The following CENPC variants were observed in gnomAD, a reference collection of about 807,000 sequenced individuals.
CENPC encodes centromere protein C, also known as CENP-C 1.
CENPC carries 63 observed loss-of-function variants against 112.1 expected under a neutral mutation model. The observed-to-expected ratio is 0.56, with a 90% CI of 0.46 to 0.69. The LOEUF is 0.69. Among genes scored for constraint, CENPC ranks in the 30% least tolerant of loss-of-function variants. The probability of loss-of-function intolerance (pLI) is 0.00; values close to 1 mark genes in which losing one functional copy is unlikely to be tolerated. For synonymous variants in CENPC, 333 were observed against 367.6 expected, an observed-to-expected ratio of 0.91 and a Z score of 1.08; for missense variants, 1,000 against 1,103.8, an observed-to-expected ratio of 0.91 and a Z score of 1.33.
intron 5 of CENPC, among the ~76,000 whole-genome samples, chr4:67,527,844 T>C (rs1017509822): frequency 3.3e-5 from 5 of 151,818 alleles, no homozygotes; most frequent in African/African-American, 1.2e-4. Context: ...TAGCTAATAA[T>C]AGTAAGAAAA....
At chr4:67,485,244 A>T (rs1023359317) in intron 17 of CENPC, among the ~76,000 whole-genome samples, 1 of 152,200 alleles carries the variant, frequency 6.6e-6, no homozygotes, top group African/African-American at 2.4e-5. Flanking sequence ...TCATATGTTA[A>T]ACAAGCATCA....
At position 67,470,794 on chromosome 4, in the gene CENPC, C is replaced by A. The variant is rs949639576; in HGVS notation, c.*1811G>T. ...GATTTACAGCAGAGGTATAAACCTA[C>A]AACTTTGTAAGTCAAAAGTAAAAAA... On this transcript the variant is annotated 3_prime_UTR_variant, in exon 19 of 19. Coordinates refer to ENST00000273853, the MANE Select transcript of CENPC (RefSeq NM_001812.4). 1.3e-5 allele frequency: 2 copies of A among 152,052 alleles called. No homozygotes were observed. The highest frequency in any genetic ancestry group is 2.9e-5 in the Non-Finnish European group (2 of 68,022). 9.4% of individuals were successfully genotyped at this position (152,052 alleles called of 1,614,324 possible). A position where few individuals can be genotyped will look rare whatever the true frequency, so the allele number is the denominator to read the frequency against.
rs1029097043 is a variant in CENPC, at chr4:67,469,035, T to C, written c.*3570A>G. On this transcript the variant is annotated 3_prime_UTR_variant, in exon 19 of 19. Transcript: ENST00000273853. ...CAGTAGTTACACAAATTCACACATATGATGAAATAGAACTATACACATGCA... is the reference window on the plus strand; with the variant it reads ...CAGTAGTTACACAAATTCACACATACGATGAAATAGAACTATACACATGCA... 1.3e-5 allele frequency: 2 copies of C among 150,992 alleles called. No individual in the cohort carries two copies. The highest frequency in any genetic ancestry group is 6.6e-5 in the Admixed American group (1 of 15,196). 9.4% of individuals were successfully genotyped at this position (150,992 alleles called of 1,614,324 possible).
At chr4:67,519,994 A>T (rs183132862) in intron 5 of CENPC, among the ~76,000 whole-genome samples, 1 of 152,318 alleles carries the variant, frequency 6.6e-6, no homozygotes, top group Admixed American at 6.5e-5. Context: ...AAGGTAGACT[A>T]GCTAGGAAGC....
intron 5 of CENPC, among the ~76,000 whole-genome samples, chr4:67,522,606 AT>A (rs1332381625): frequency 6.6e-6 from 1 of 152,222 alleles, no homozygotes; most frequent in African/African-American, 2.4e-5. Context: ...TGACCTAATC[AT>A]GGAAATCACA....
intron 17 of CENPC, among the ~76,000 whole-genome samples, chr4:67,484,430 T>G (rs1463933250): frequency 6.6e-6 from 1 of 152,152 alleles, no homozygotes. Context: ...CAGTGGCCTG[T>G]TAGGAATGGG....
At chr4:67,509,750 T>C (rs1250906370) in intron 9 of CENPC, among the ~76,000 whole-genome samples, 3 of 152,130 alleles carry the variant, frequency 2.0e-5, no homozygotes. Flanking sequence ...CATATCTGGA[T>C]TATTAAAACA....
rs913901178 is a variant in CENPC, at chr4:67,485,969, C to T, written c.2670+3998G>A. 2.6e-5 allele frequency among the ~76,000 whole-genome samples: 4 copies of T among 151,872 alleles called. No homozygotes were observed. The East Asian group carries it at 5.8e-4, about 22-fold the overall frequency. Reference sequence around the variant, plus strand: ...CTAATCACTGTGATATACTGCCTCCCTAAATGGGGAAAAAAGCCCCCCGAA... The same window carrying T: ...CTAATCACTGTGATATACTGCCTCCTTAAATGGGGAAAAAAGCCCCCCGAA... On this transcript the variant is annotated intron_variant, in intron 17 of 18. Coordinates refer to ENST00000273853, the MANE Select transcript of CENPC (RefSeq NM_001812.4).
intron 5 of CENPC, 133 bp downstream of exon 5, chr4:67,530,682 T>C: frequency 2.4e-6 from 1 of 419,800 alleles, no homozygotes; most frequent in Non-Finnish European, 4.2e-6. Flanking sequence ...AAAAACAAAT[T>C]CATCCATTTC....
intron 6 of CENPC, 29 bp downstream of exon 6, chr4:67,519,188 G>A: frequency 1.3e-6 from 2 of 1,487,262 alleles, no homozygotes; most frequent in Non-Finnish European, 1.8e-6. Context: ...TTTTTAAAGT[G>A]CGTTAACATT....
In CENPC at chr4:67,471,369, T is replaced by C. The variant is rs1247285586; in HGVS notation, c.*1236A>G. 2 of 152,024 alleles carry C rather than the reference T, an allele frequency of 1.3e-5. No individual in the cohort carries two copies. The highest frequency in any genetic ancestry group is 2.4e-5 in the African/African-American group (1 of 41,390). The allele number at this position is 152,024 out of a possible 1,614,324, so 9.4% of individuals were successfully genotyped here. A position where few individuals can be genotyped will look rare whatever the true frequency, so the allele number is the denominator to read the frequency against. On this transcript the variant is annotated 3_prime_UTR_variant, in exon 19 of 19. Transcript: ENST00000273853. ...AGTTGCTACAATATGCTACCTAAAA[T>C]GTCCAGCTGTCAACCAAAAATTATT...
intron 12 of CENPC, among the ~76,000 whole-genome samples, chr4:67,495,665 A>C (rs1033148512): frequency 4.6e-5 from 7 of 152,210 alleles, no homozygotes; most frequent in East Asian, 1.9e-4. Flanking sequence ...AACAAACAAA[A>C]AAAACAACAG....
intron 4 of CENPC, among the ~76,000 whole-genome samples, chr4:67,536,477 T>C (rs1465184987): frequency 6.6e-6 from 1 of 152,190 alleles, no homozygotes; most frequent in East Asian, 1.9e-4. Flanking sequence ...TACGGAGTCA[T>C]ATCTTATTTT....
intron 17 of CENPC, among the ~76,000 whole-genome samples, chr4:67,484,571 C>A (rs75925769): frequency 0.062 from 9,378 of 152,252 alleles, 455 homozygotes; most frequent in Admixed American, 0.18. Flanking sequence ...TGTGAGAAAT[C>A]TAGGTTGTGT....
chr4:67,484,570 T>G (rs1243367549), intron 17 of CENPC, among the ~76,000 whole-genome samples: 2 of 152,190 alleles, frequency 1.3e-5, no homozygotes, highest in African/African-American at 4.8e-5. Context: ...ATGTGAGAAA[T>G]CTAGGTTGTG....
At position 67,518,183 on chromosome 4, in the gene CENPC, T is replaced by G; in HGVS notation, c.803A>C (p.Glu268Ala). The G allele has an allele frequency of 6.5e-7, 1 of 1,550,104 alleles. No individual in the cohort carries two copies. Among genetic ancestry groups the G allele is most frequent in the East Asian group, 2.3e-5 (1 of 42,826 alleles). The change falls in exon 7 of 19, where the codon GAA becomes GCA. Residue 268 changes from glutamate (E) to alanine (A), a missense_variant. Transcript: ENST00000273853. ...GGATTCACTTTTTCGTTTTACTGTT[T>G]CTAAAAACAATGTTGAAAAACTTTT... ...AKKSFSTLFLETVKRKSESSP... is the reference protein window; with the variant it reads ...AKKSFSTLFLATVKRKSESSP...
intron 16 of CENPC, among the ~76,000 whole-genome samples, chr4:67,491,938 T>C (rs1019077581): frequency 6.6e-6 from 1 of 152,122 alleles, no homozygotes; most frequent in African/African-American, 2.4e-5. Flanking sequence ...TTCCTGATTG[T>C]AGCACTACTT....
intron 4 of CENPC, among the ~76,000 whole-genome samples, chr4:67,534,683 G>A (rs1242969737): frequency 1.3e-5 from 2 of 152,176 alleles, no homozygotes; most frequent in Admixed American, 1.3e-4. Flanking sequence ...TAGGCCAAGA[G>A]AAAAGAAATC....
At chr4:67,478,931 C>T (rs1724881795) in intron 17 of CENPC, among the ~76,000 whole-genome samples, 1 of 152,086 alleles carries the variant, frequency 6.6e-6, no homozygotes, top group Non-Finnish European at 1.5e-5. Flanking sequence ...ATTCTTATAT[C>T]AGACAAAACA....
Sources: gnomAD v4.1 joint callset for allele counts (sites outside exome capture counted in the v4.1 genomes callset) on GRCh38, gnomAD v4.1.1 for gene constraint, MANE v1.5 for transcripts, NCBI Gene and HGNC (gene_info 2026-07-23, HGNC 2026-07-21) for gene names.